Variants in PRKAB2 observed in about 807,000 individuals in gnomAD.
PRKAB2 encodes protein kinase AMP-activated non-catalytic subunit beta 2.
In PRKAB2, 18 loss-of-function variants were observed where a neutral mutation model predicts 29.8. The ratio of observed to expected loss-of-function variants is 0.60; its 90% confidence interval spans 0.42 to 0.89. PRKAB2 has a LOEUF of 0.89. PRKAB2 is among the 40% of genes least tolerant of loss of function. The probability of loss-of-function intolerance (pLI) is 0.00; values close to 1 mark genes in which losing one functional copy is unlikely to be tolerated. For synonymous variants in PRKAB2, 136 were observed against 125.9 expected (o/e 1.08, Z -0.54); for missense variants, 270 against 344.3 (o/e 0.78, Z 1.71).
intron 7 of PRKAB2, among the ~76,000 whole-genome samples, chr1:147,161,144 A>C (rs1653932996): frequency 6.6e-6 from 1 of 152,136 alleles, no homozygotes; most frequent in African/African-American, 2.4e-5. Context: ...CCAAACCACA[A>C]AGACATAACA....
chr1:147,155,539 G>C lies in PRKAB2; in HGVS notation c.*4026C>G, dbSNP rs587630440. On this transcript the variant is annotated 3_prime_UTR_variant, in exon 8 of 8. Transcript: ENST00000254101. ...GTCCTAAAACCACAAGCTGGGTTAG[G>C]TAAGTGTTTTGTACAGGGGAACAGA... is the stretch of plus-strand genomic sequence containing the variant. The C allele has an allele frequency of 2.2e-4, 34 of 152,632 alleles. No individual in the cohort carries two copies. The highest frequency in any genetic ancestry group is 7.9e-4 in the African/African-American group (33 of 41,528). 9.5% of individuals were successfully genotyped at this position (152,632 alleles called of 1,614,324 possible). A position where few individuals can be genotyped will look rare whatever the true frequency, so the allele number is the denominator to read the frequency against.
chr1:147,165,130 A>T (rs1654174438), intron 5 of PRKAB2, among the ~76,000 whole-genome samples: 1 of 152,146 alleles, frequency 6.6e-6, no homozygotes, highest in Non-Finnish European at 1.5e-5. Context: ...GGTTCACGTC[A>T]TTCTCCTGCC....
chr1:147,166,199 C>CT (rs1654241560), intron 5 of PRKAB2, among the ~76,000 whole-genome samples: 1 of 152,094 alleles, frequency 6.6e-6, no homozygotes, highest in African/African-American at 2.4e-5. Flanking sequence ...CTAGAAACAG[C>CT]TTTTCAAACT....
chr1:147,167,157 A>G lies in PRKAB2; in HGVS notation c.324-218T>C, dbSNP rs371439667. Among the ~76,000 whole-genome samples the G allele has an allele frequency of 6.8e-4, 103 of 152,294 alleles. No homozygotes were observed. In the Middle Eastern group the frequency reaches 0.01, roughly 15 times the overall value. On this transcript the variant is annotated intron_variant, in intron 3 of 7. Coordinates refer to ENST00000254101, the MANE Select transcript of PRKAB2 (RefSeq NM_005399.5). ...TCCCAACAACGTTAGTTCTTAACCA[A>G]TATCTGGAAAAGAATAATAAAAACA...
chr1:147,166,367 C>CT, intron 5 of PRKAB2, 131 bp downstream of exon 5: 1 of 550,848 alleles, frequency 1.8e-6, no homozygotes, highest in African/African-American at 1.8e-5. Context: ...AGAAAAATCT[C>CT]TGTCTCTCTC....
intron 2 of PRKAB2, among the ~76,000 whole-genome samples, chr1:147,169,045 C>T (rs969312878): frequency 1.3e-5 from 2 of 152,328 alleles, no homozygotes; most frequent in African/African-American, 4.8e-5. Flanking sequence ...ACTGTATGGT[C>T]TACAAAGTCT....
intron 7 of PRKAB2, 51 bp downstream of exon 7, chr1:147,161,661 C>A: frequency 6.7e-7 from 1 of 1,485,538 alleles, no homozygotes; most frequent in South Asian, 1.1e-5. Flanking sequence ...GTATGTTACC[C>A]TTGACCTCTC....
Position 147,161,871 on chromosome 1 carries a change from T to C in PRKAB2, c.673-91A>G, listed in dbSNP as rs150670034. 1.8e-3 allele frequency: 1,936 copies of C among 1,046,814 alleles called. 26 individuals are homozygous for C. The African/African-American group carries it at 0.028, about 15-fold the overall frequency. The allele number at this position is 1,046,814 out of a possible 1,614,324, so 64.8% of individuals were successfully genotyped here. ...ACAGCTTACTCTTCCTCAGAGCTCTTTGAGAAATTTAAACTAGAATGCGCT... is the reference window on the plus strand; with the variant it reads ...ACAGCTTACTCTTCCTCAGAGCTCTCTGAGAAATTTAAACTAGAATGCGCT... On this transcript the variant is annotated intron_variant, in intron 6 of 7. Coordinates refer to ENST00000254101, the MANE Select transcript of PRKAB2 (RefSeq NM_005399.5).
At position 147,166,037 on chromosome 1, in the gene PRKAB2, C is replaced by T. The variant is rs587685161; in HGVS notation, c.538+461G>A. The stretch of plus-strand genomic sequence containing the variant: ...TGTTGGTTTTTTAAACCATTTTTTT[C>T]CCCACATTTTTTGGACCTCATAAAA... On this transcript the variant is annotated intron_variant, in intron 5 of 7. Coordinates refer to ENST00000254101, the MANE Select transcript of PRKAB2 (RefSeq NM_005399.5). Among the ~76,000 whole-genome samples, 20 of 152,122 alleles carry T rather than the reference C, an allele frequency of 1.3e-4. No homozygotes were observed. The East Asian group carries it at 3.7e-3, about 28-fold the overall frequency.
At chr1:147,164,524 AAAT>A (rs1382615540) in intron 5 of PRKAB2, among the ~76,000 whole-genome samples, 1 of 152,250 alleles carries the variant, frequency 6.6e-6, no homozygotes, top group African/African-American at 2.4e-5. Flanking sequence ...CTCTGATATT[AAAT>A]AATATCTTTA....
At chr1:147,165,533 G>C (rs587746083) in intron 5 of PRKAB2, among the ~76,000 whole-genome samples, 2 of 152,300 alleles carry the variant, frequency 1.3e-5, no homozygotes, top group East Asian at 3.9e-4. Flanking sequence ...GAACTCACAG[G>C]AGAGAAGTGT....
chr1:147,172,393 C>A, intron 1 of PRKAB2, 36 bp downstream of exon 1: 2 of 560,552 alleles, frequency 3.6e-6, no homozygotes, highest in Non-Finnish European at 6.1e-6. Flanking sequence ...CCCGCGTCCC[C>A]GCGCTCACTG....
At chr1:147,161,529 C>T (rs1653959677) in intron 7 of PRKAB2, 183 bp downstream of exon 7, 1 of 530,956 alleles carries the variant, frequency 1.9e-6, no homozygotes, top group Non-Finnish European at 3.3e-6. Context: ...AGCCAGAACA[C>T]AGAGACTGAG....
At chr1:147,159,871 A>G (rs1311236125) in intron 7 of PRKAB2, among the ~76,000 whole-genome samples, 1 of 152,122 alleles carries the variant, frequency 6.6e-6, no homozygotes, top group African/African-American at 2.4e-5. Context: ...ATTACAAAAG[A>G]TAACACCTAC....
At chr1:147,161,537 G>A in intron 7 of PRKAB2, 175 bp downstream of exon 7, 2 of 553,528 alleles carry the variant, frequency 3.6e-6, no homozygotes, top group East Asian at 3.2e-5. Flanking sequence ...CACAGAGACT[G>A]AGATTTTAAA....
chr1:147,161,188 T>C (rs1653935490), intron 7 of PRKAB2, among the ~76,000 whole-genome samples: 1 of 152,020 alleles, frequency 6.6e-6, no homozygotes, highest in Non-Finnish European at 1.5e-5. Flanking sequence ...CAACCCAGAC[T>C]CTAAAGCAGC....
intron 2 of PRKAB2, 75 bp downstream of exon 2, chr1:147,171,914 A>AC: frequency 6.5e-7 from 1 of 1,540,268 alleles, no homozygotes; most frequent in Non-Finnish European, 8.8e-7. Context: ...GTAGAAAAGA[A>AC]CCAAGAAAGG....
At chr1:147,160,802 A>G (rs1165691337) in intron 7 of PRKAB2, 2 of 152,192 alleles carry the variant, frequency 1.3e-5, no homozygotes, top group East Asian at 3.8e-4. Flanking sequence ...CTTACTGGCA[A>G]TTTGACCTTC....
intron 2 of PRKAB2, among the ~76,000 whole-genome samples, chr1:147,169,859 C>G (rs964437595): frequency 6.6e-6 from 1 of 152,128 alleles, no homozygotes; most frequent in Non-Finnish European, 1.5e-5. Flanking sequence ...GATTGAGAAC[C>G]ACTGAACTAG....
Sources: gnomAD v4.1 joint callset for allele counts (sites outside exome capture counted in the v4.1 genomes callset) on GRCh38, gnomAD v4.1.1 for gene constraint, MANE v1.5 for transcripts, NCBI Gene and HGNC (gene_info 2026-07-23, HGNC 2026-07-21) for gene names.